The following DGKH variants were observed in gnomAD, a reference collection of about 807,000 sequenced individuals.
The protein encoded by DGKH is diacylglycerol kinase eta.
Under a neutral mutation model 159.3 loss-of-function variants are expected in DGKH, and 90 were observed. The ratio of observed to expected loss-of-function variants is 0.57; its 90% confidence interval spans 0.48 to 0.67. DGKH has a LOEUF of 0.67. Ranked by LOEUF, DGKH falls within the 30% of genes least tolerant of loss-of-function variation. DGKH has a pLI of 0.00. For missense variants in DGKH, 1,181 were observed against 1,506.1 expected (o/e 0.78, Z 3.57); for synonymous variants, 536 against 553.8 (o/e 0.97, Z 0.45).
chr13:42,157,180 G>A (rs1182150050), intron 5 of DGKH, among the ~76,000 whole-genome samples: 1 of 152,126 alleles, frequency 6.6e-6, no homozygotes, highest in Admixed American at 6.5e-5. Flanking sequence ...TTGCAAAAGA[G>A]ATCTGATTGG....
In DGKH at chr13:42,230,350, A is replaced by G. The variant is rs1958256288; in HGVS notation, c.*1162A>G. ...TTCTTAAGGGCTTTATGTTGTTATT[A>G]TTATTATCTCACTTAATTCTTAATT... is the stretch of plus-strand genomic sequence containing the variant. On this transcript the variant is annotated 3_prime_UTR_variant, in exon 30 of 30. Coordinates refer to ENST00000337343, the MANE Select transcript of DGKH (RefSeq NM_178009.5). 1.3e-5 allele frequency: 2 copies of G among 152,088 alleles called. No homozygotes were observed. The highest frequency in any genetic ancestry group is 2.1e-4 in the South Asian group (1 of 4,828). The allele number at this position is 152,088 out of a possible 1,614,324, so 9.4% of individuals were successfully genotyped here.
At chr13:42,184,369 T>C (rs1448307224) in intron 13 of DGKH, among the ~76,000 whole-genome samples, 1 of 152,150 alleles carries the variant, frequency 6.6e-6, no homozygotes, top group South Asian at 2.1e-4. Context: ...GGAAAGGTGA[T>C]AAATGAGGGT....
intron 1 of DGKH, among the ~76,000 whole-genome samples, chr13:42,081,845 C>T (rs150717094): frequency 1.3e-5 from 2 of 152,108 alleles, no homozygotes; most frequent in Non-Finnish European, 2.9e-5. Context: ...ATTTAGAAAC[C>T]AAGATCTGAG....
downstream of DGKH, among the ~76,000 whole-genome samples, chr13:42,244,578 A>G (rs1474427911): frequency 6.6e-6 from 1 of 152,224 alleles, no homozygotes; most frequent in East Asian, 1.9e-4. Context: ...ATAATCCAGT[A>G]GTTTGCCACT....
intron 22 of DGKH, 33 bp from the exon 23 acceptor site, chr13:42,209,298 A>AT (rs1405193228): frequency 6.3e-7 from 1 of 1,592,702 alleles, no homozygotes; most frequent in Non-Finnish European, 8.5e-7. Context: ...TCTCTGGATG[A>AT]TTTGTACTCT....
chr13:42,103,839 G>A (rs895161479), intron 1 of DGKH, among the ~76,000 whole-genome samples: 4 of 152,332 alleles, frequency 2.6e-5, no homozygotes, highest in Non-Finnish European at 5.9e-5. Context: ...CGGTTAGGAA[G>A]GAGGAAAGGG....
At position 42,053,105 on chromosome 13, in the gene DGKH, G is replaced by T. The variant is rs564833276; in HGVS notation, c.192+4140G>T. Among the ~76,000 whole-genome samples the T allele has an allele frequency of 3.7e-3, 560 of 152,046 alleles. 3 individuals carry two copies. The highest frequency in any genetic ancestry group is 0.011 in the African/African-American group (439 of 41,464). On this transcript the variant is annotated intron_variant, in intron 1 of 29. Transcript: ENST00000337343. ...AATCCTACCACTTTGAGAGGCCAAG[G>T]TAGGACAATCAGTTGAACCCAAGAA...
intron 1 of DGKH, among the ~76,000 whole-genome samples, chr13:42,086,994 C>G (rs1355401007): frequency 6.6e-6 from 1 of 150,760 alleles, no homozygotes; most frequent in Non-Finnish European, 1.5e-5. Flanking sequence ...AAGAACTATT[C>G]TGTGCGTTAA....
At chr13:42,103,117 G>A (rs1429047430) in intron 1 of DGKH, among the ~76,000 whole-genome samples, 1 of 152,180 alleles carries the variant, frequency 6.6e-6, no homozygotes, top group Non-Finnish European at 1.5e-5. Context: ...GGGATCAGGA[G>A]ATTGTTGTAT....
chr13:42,137,427 A>T (rs899982249), intron 3 of DGKH, among the ~76,000 whole-genome samples: 2 of 152,192 alleles, frequency 1.3e-5, no homozygotes, highest in Non-Finnish European at 2.9e-5. Context: ...TGTGATTCCC[A>T]TTTGATAGAT....
chr13:42,134,339 CCTA>C (rs1470778459), intron 3 of DGKH, among the ~76,000 whole-genome samples: 7 of 152,188 alleles, frequency 4.6e-5, no homozygotes, highest in Non-Finnish European at 8.8e-5. Flanking sequence ...TGATTTAAAA[CCTA>C]CACACAGTAA....
At chr13:42,221,100 C>G in intron 28 of DGKH, 164 bp from the exon 29 acceptor site, 1 of 851,000 alleles carries the variant, frequency 1.2e-6, no homozygotes, top group Non-Finnish European at 1.8e-6. Flanking sequence ...GTGTAACTTG[C>G]ATGGGAAAAA....
intron 8 of DGKH, among the ~76,000 whole-genome samples, 168 bp from the exon 9 acceptor site, chr13:42,166,347 C>A (rs570726573): frequency 5.9e-5 from 9 of 152,198 alleles, no homozygotes; most frequent in African/African-American, 1.7e-4. Context: ...GAATTACATA[C>A]AAACATATAG....
chr13:42,195,034 A>T lies in DGKH; in HGVS notation c.2167+18A>T. 2 of 1,607,166 alleles carry T rather than the reference A, an allele frequency of 1.2e-6. No individual in the cohort carries two copies. The highest frequency in any genetic ancestry group is 1.7e-6 in the Non-Finnish European group (2 of 1,178,020). ...CTGCCCAGGTAGTACAGATTCTGAAACATCGTGTATTTTTCAGTATTTCTG... is the reference window on the plus strand; with the variant it reads ...CTGCCCAGGTAGTACAGATTCTGAATCATCGTGTATTTTTCAGTATTTCTG... On this transcript the variant is annotated intron_variant, in intron 17 of 29. Transcript: ENST00000337343.
chr13:42,181,637 C>T, intron 13 of DGKH: 1 of 307,948 alleles, frequency 3.2e-6, no homozygotes, highest in South Asian at 2.5e-5. Flanking sequence ...TGATGTCAGG[C>T]CTTGTGAGCC....
chr13:42,217,368 T>C (rs1294316925), intron 26 of DGKH, among the ~76,000 whole-genome samples: 1 of 152,118 alleles, frequency 6.6e-6, no homozygotes, highest in Non-Finnish European at 1.5e-5. Flanking sequence ...AGCTGCCAAG[T>C]AGCTGGGACT....
At chr13:42,254,834 T>A (rs1958645784) in intron 30 of DGKH, among the ~76,000 whole-genome samples, 1 of 152,202 alleles carries the variant, frequency 6.6e-6, no homozygotes, top group African/African-American at 2.4e-5. Context: ...TCGTGATGAT[T>A]TCTACATAGA....
intron 1 of DGKH, among the ~76,000 whole-genome samples, chr13:42,067,511 C>T (rs1037427115): frequency 2.6e-5 from 4 of 152,096 alleles, no homozygotes; most frequent in Non-Finnish European, 5.9e-5. Flanking sequence ...ATAATTTGTT[C>T]ATGTCATAGA....
In DGKH at chr13:42,110,587, A is replaced by ATCAT. The variant is rs140415925; in HGVS notation, c.193-16857_193-16854dup. Among the ~76,000 whole-genome samples, 490 of 150,996 alleles carry ATCAT rather than the reference A, an allele frequency of 3.2e-3. 2 individuals carry two copies. Among genetic ancestry groups the ATCAT allele is most frequent in the African/African-American group, 0.011 (468 of 40,960 alleles). Reference sequence around the variant, plus strand: ...AAGTAAATTCAGAATTTGAAGGATAATCATTCATTCATTCATTCATTCGTT... The same window carrying ATCAT: ...AAGTAAATTCAGAATTTGAAGGATAATCATTCATTCATTCATTCATTCATTCGTT... On this transcript the variant is annotated intron_variant, in intron 1 of 29. Transcript: ENST00000337343.
Sources: gnomAD v4.1 joint callset for allele counts (sites outside exome capture counted in the v4.1 genomes callset) on GRCh38, gnomAD v4.1.1 for gene constraint, MANE v1.5 for transcripts, NCBI Gene and HGNC (gene_info 2026-07-23, HGNC 2026-07-21) for gene names.